GDF1: variants seen among roughly 807,000 people sequenced by gnomAD.
GDF1 encodes embryonic growth/differentiation factor 1.
Under a neutral mutation model 7.4 loss-of-function variants are expected in GDF1, and 8 were observed. The ratio of observed to expected loss-of-function variants is 1.09; its 90% CI spans 0.64 to 1.96. The LOEUF is 1.96. Ranked by LOEUF, GDF1 falls within the 30% of genes most tolerant of loss-of-function variation. The pLI is 0.00. For synonymous variants in GDF1, 311 were observed against 276.7 expected, an observed-to-expected ratio of 1.12 and a Z score of -1.23; for missense variants, 574 against 551.5, an observed-to-expected ratio of 1.04 and a Z score of -0.41.
chr19:18,880,352 A>T lies in GDF1; in HGVS notation c.-649T>A, dbSNP rs770920912. 142 of 1,566,742 alleles carry T rather than the reference A, an allele frequency of 9.1e-5. No individual in the cohort carries two copies. The highest frequency in any genetic ancestry group is 1.2e-4 in the Non-Finnish European group (138 of 1,155,796). ...ATGGTAGGAGCCGCCGCGGGACTTG[A>T]AGTAAATGTTGAGCTTGGTGAACTC... On this transcript the variant is annotated 5_prime_UTR_variant, in exon 4 of 8. Coordinates refer to ENST00000247005, the MANE Select transcript of GDF1 (RefSeq NM_001492.6).
At position 18,895,750 on chromosome 19, in the gene GDF1, C is replaced by T. The variant is rs2056609705; in HGVS notation, c.-1074+74G>A. ...CCAGCGCTGGAAGAAAGGAACGCGCCGGCGGCCCCAGGTCCCCGGTCCCGG... is the reference window on the plus strand; with the variant it reads ...CCAGCGCTGGAAGAAAGGAACGCGCTGGCGGCCCCAGGTCCCCGGTCCCGG... On this transcript the variant is annotated intron_variant, in intron 1 of 7. Coordinates refer to ENST00000247005, the MANE Select transcript of GDF1 (RefSeq NM_001492.6). This position sits in a 1 kb window ranked among gnomAD's most constrained non-coding sequence, Gnocchi z 6.4. 2.4e-6 allele frequency: 2 copies of T among 830,654 alleles called. No individual in the cohort carries two copies. The highest frequency in any genetic ancestry group is 1.9e-5 in the African/African-American group (1 of 53,204). The allele number at this position is 830,654 out of a possible 1,614,324, so 51.5% of individuals were successfully genotyped here.
Position 18,896,061 on chromosome 19 carries a change from C to T in GDF1, c.-1311G>A, listed in dbSNP as rs1459126597. The T allele has an allele frequency of 1.6e-4, 159 of 980,912 alleles. 1 individual carries two copies. Among genetic ancestry groups the T allele is most frequent in the Non-Finnish European group, 1.9e-4 (157 of 827,684 alleles). 60.8% of individuals were successfully genotyped at this position (980,912 alleles called of 1,614,324 possible). On this transcript the variant is annotated 5_prime_UTR_variant, in exon 1 of 8. Transcript: ENST00000247005. The surrounding 1 kb of genome is among the most constrained non-coding windows in gnomAD (Gnocchi z 5.9). Reference sequence around the variant, plus strand: ...GCCCCGTCGGCCCCGCCGCGGGCCCCGCCGCCGCCATACCGCCCGCTCGCC... The same window carrying T: ...GCCCCGTCGGCCCCGCCGCGGGCCCTGCCGCCGCCATACCGCCCGCTCGCC...
In GDF1 at chr19:18,884,240, C is replaced by T. The variant is rs201005099; in HGVS notation, c.-886G>A. The stretch of plus-strand genomic sequence containing the variant: ...GAGCAGGTAGGCGGCTGCAATGTCC[C>T]GTGGCACTGCCATGCCCGGCGTCCA... On this transcript the variant is annotated 5_prime_UTR_variant, in exon 3 of 8. Transcript: ENST00000247005. 193 of 1,613,148 alleles carry T rather than the reference C, an allele frequency of 1.2e-4. 2 individuals carry two copies. In the Middle Eastern group the frequency reaches 2.1e-3, roughly 18 times the overall value.
At chr19:18,869,644 G>C (rs2055927464) in intron 7 of GDF1, among the ~76,000 whole-genome samples, 1 of 147,082 alleles carries the variant, frequency 6.8e-6, no homozygotes, top group African/African-American at 2.5e-5. Context: ...CGAAGTGGGA[G>C]ACATGAGCCA....
chr19:18,896,083 C>A lies in GDF1; in HGVS notation c.-1333G>T. On this transcript the variant is annotated 5_prime_UTR_variant, in exon 1 of 8. Coordinates refer to ENST00000247005, the MANE Select transcript of GDF1 (RefSeq NM_001492.6). This position sits in a 1 kb window ranked among gnomAD's most constrained non-coding sequence, Gnocchi z 5.9. ...CCCCGCCGCCGCCATACCGCCCGCT[C>A]GCCCGCCGTGCCCGTCGCCTGCGCC... The A allele has an allele frequency of 2.1e-6, 2 of 950,668 alleles. No homozygotes were observed. Among genetic ancestry groups the A allele is most frequent in the Non-Finnish European group, 2.5e-6 (2 of 800,676 alleles). 58.9% of individuals were successfully genotyped at this position (950,668 alleles called of 1,614,324 possible).
At chr19:18,885,665 A>G (rs1601175951) in intron 2 of GDF1, among the ~76,000 whole-genome samples, 1 of 148,292 alleles carries the variant, frequency 6.7e-6, no homozygotes, top group Non-Finnish European at 1.5e-5. Context: ...GATTACAGGC[A>G]CCCACCACCA....
Position 18,870,449 on chromosome 19 carries a change from G to T in GDF1, c.-142C>A. 1 of 857,082 alleles carries T rather than the reference G, an allele frequency of 1.2e-6. No homozygotes were observed. Among genetic ancestry groups the T allele is most frequent in the Non-Finnish European group, 1.8e-6 (1 of 549,882 alleles). 53.1% of individuals were successfully genotyped at this position (857,082 alleles called of 1,614,324 possible). ...AACTGGAGGCAGGATGAGGGGGCGGGGTCCCAGGGGAGGTGGCGGCGGCCC... is the reference window on the plus strand; with the variant it reads ...AACTGGAGGCAGGATGAGGGGGCGGTGTCCCAGGGGAGGTGGCGGCGGCCC... On this transcript the variant is annotated 5_prime_UTR_variant, in exon 7 of 8. Transcript: ENST00000247005. This position sits in a 1 kb window ranked among gnomAD's most constrained non-coding sequence, Gnocchi z 5.1.
chr19:18,882,771 C>T (rs2056246817), intron 3 of GDF1, among the ~76,000 whole-genome samples: 1 of 152,010 alleles, frequency 6.6e-6, no homozygotes, highest in Non-Finnish European at 1.5e-5. Context: ...CGGCTCACTG[C>T]AACCTCCGCC....
intron 5 of GDF1, 74 bp from the exon 6 acceptor site, chr19:18,879,113 C>T: frequency 6.3e-7 from 1 of 1,587,032 alleles, no homozygotes; most frequent in Non-Finnish European, 8.6e-7. Flanking sequence ...CCATGTGCTC[C>T]TGTCCCGGGC....
intron 2 of GDF1, among the ~76,000 whole-genome samples, chr19:18,890,793 A>G (rs1266234042): frequency 6.7e-6 from 1 of 150,146 alleles, no homozygotes; most frequent in East Asian, 2.0e-4. Flanking sequence ...GAAAAAAAAA[A>G]AAAAAAAAAA....
rs181264491 is a variant in GDF1 at position 18,876,823 on chromosome 19, C to G, written c.-313+2107G>C. ...GCACATGGGTTGCAGCTAAAGAAAC[C>G]GACATTGGTGCTTTGCTATTAACTA... On this transcript the variant is annotated intron_variant, in intron 6 of 7. Coordinates refer to ENST00000247005, the MANE Select transcript of GDF1 (RefSeq NM_001492.6). 7.6e-4 allele frequency among the ~76,000 whole-genome samples: 116 copies of G among 152,308 alleles called. No individual in the cohort carries two copies. The East Asian group carries it at 0.02, about 26-fold the overall frequency.
intron 6 of GDF1, among the ~76,000 whole-genome samples, chr19:18,872,954 T>C (rs2056001472): frequency 6.6e-6 from 1 of 152,182 alleles, no homozygotes; most frequent in African/African-American, 2.4e-5. Flanking sequence ...CGGGCCGAGA[T>C]GGCCTTACTC....
At chr19:18,890,774 G>T (rs898703713) in intron 2 of GDF1, among the ~76,000 whole-genome samples, 6 of 131,516 alleles carry the variant, frequency 4.6e-5, no homozygotes, top group African/African-American at 1.4e-4. Context: ...GAGTAAGACC[G>T]CGTCTGGGGA....
chr19:18,885,367 A>C (rs1021636987), intron 2 of GDF1, among the ~76,000 whole-genome samples: 14 of 150,446 alleles, frequency 9.3e-5, no homozygotes, highest in African/African-American at 3.4e-4. Flanking sequence ...TGCCTAGATA[A>C]TTTATTTCTT....
chr19:18,876,240 C>T (rs1176451520), intron 6 of GDF1, among the ~76,000 whole-genome samples: 2 of 152,238 alleles, frequency 1.3e-5, no homozygotes, highest in Non-Finnish European at 2.9e-5. Flanking sequence ...CCTGCCTTGG[C>T]CTCCCAAAGT....
chr19:18,892,410 T>C (rs2238661), intron 2 of GDF1, among the ~76,000 whole-genome samples: 27,180 of 151,450 alleles, frequency 0.18, 3,168 homozygotes, highest in African/African-American at 0.33. Context: ...ATCAGGAGAT[T>C]GAGACCATCC....
At chr19:18,879,763 A>C (rs1479573713) in intron 4 of GDF1, among the ~76,000 whole-genome samples, 44 of 13,860 alleles carry the variant, frequency 3.2e-3, no homozygotes, top group Admixed American at 6.7e-3. Context: ...CCAAGGCCCC[A>C]CCTCCTTCCC....
intron 6 of GDF1, among the ~76,000 whole-genome samples, chr19:18,873,215 T>A (rs545982998): frequency 6.6e-6 from 1 of 151,886 alleles, no homozygotes; most frequent in Non-Finnish European, 1.5e-5. Flanking sequence ...GGGGGCTGAT[T>A]TGAGATATTT....
In GDF1 at chr19:18,880,417, G is replaced by A; in HGVS notation, c.-714C>T. On this transcript the variant is annotated 5_prime_UTR_variant, in exon 4 of 8. Transcript: ENST00000247005. ...TGATATCGTGCAGGAAGAGCACAAGGATGCCCACATTGTGGTACCTGGGGG... is the reference window on the plus strand; with the variant it reads ...TGATATCGTGCAGGAAGAGCACAAGAATGCCCACATTGTGGTACCTGGGGG... The A allele has an allele frequency of 1.3e-6, 2 of 1,589,274 alleles. No individual in the cohort carries two copies. The highest frequency in any genetic ancestry group is 1.7e-6 in the Non-Finnish European group (2 of 1,167,046).
Sources: allele counts gnomAD v4.1 joint callset (sites outside exome capture counted in the v4.1 genomes callset), GRCh38; gene constraint gnomAD v4.1.1; non-coding constraint Gnocchi (gnomAD v3.1); transcripts MANE v1.5; gene names NCBI Gene and HGNC (gene_info 2026-07-23, HGNC 2026-07-21).